SPEN: variants seen among roughly 807,000 people sequenced by gnomAD.
SPEN encodes spen family transcriptional repressor.
In SPEN, 18 loss-of-function variants were observed where a neutral mutation model predicts 269.9. The ratio of observed to expected loss-of-function variants is 0.07; its 90% CI spans 0.05 to 0.10. The LOEUF (loss-of-function observed/expected upper bound fraction) is 0.10, where lower values mean the gene tolerates loss of function less well. SPEN is among the 10% of genes least tolerant of loss of function. The probability of loss-of-function intolerance (pLI) is 1.00; values close to 1 mark genes in which losing one functional copy is unlikely to be tolerated. For synonymous variants in SPEN, 1,726 were observed against 1,765.7 expected (o/e 0.98, Z 0.56); for missense variants, 3,822 against 4,631.2 (o/e 0.83, Z 5.07).
intron 1 of SPEN, among the ~76,000 whole-genome samples, chr1:15,871,371 C>G (rs973872784): frequency 6.6e-6 from 1 of 152,134 alleles, no homozygotes; most frequent in African/African-American, 2.4e-5. Context: ...GACTGAGTCT[C>G]GCTCTGTCAC....
chr1:15,874,229 C>T (rs1026654467), intron 2 of SPEN: 4 of 1,366,494 alleles, frequency 2.9e-6, no homozygotes, highest in Admixed American at 1.9e-5. Context: ...TGTCTGGTCA[C>T]TAAGATTTTT....
intron 2 of SPEN, chr1:15,873,923 C>T (rs2070606457): frequency 1.0e-5 from 12 of 1,142,970 alleles, no homozygotes; most frequent in Non-Finnish European, 1.3e-5. Flanking sequence ...AGTTGCTGTC[C>T]AATCAAAGGT....
chr1:15,866,236 T>G (rs1214128831), intron 1 of SPEN, among the ~76,000 whole-genome samples: 1 of 152,194 alleles, frequency 6.6e-6, no homozygotes, highest in Non-Finnish European at 1.5e-5. Context: ...GTAGTTAACT[T>G]TCTTTTGCTG....
intron 3 of SPEN, among the ~76,000 whole-genome samples, chr1:15,907,073 A>G (rs2070964467): frequency 6.6e-6 from 1 of 152,106 alleles, no homozygotes; most frequent in East Asian, 1.9e-4. Flanking sequence ...CACCCAGTCA[A>G]GTTTTCATCT....
chr1:15,937,533 G>C lies in SPEN; in HGVS notation c.10397G>C (p.Ser3466Thr). 1 of 1,613,994 alleles carries C rather than the reference G, an allele frequency of 6.2e-7. No individual in the cohort carries two copies. The highest frequency in any genetic ancestry group is 8.5e-7 in the Non-Finnish European group (1 of 1,179,990). The change falls in exon 12 of 15, where the codon AGC (serine) becomes ACC (threonine). Residue 3466 changes from serine to threonine, a missense_variant. Ser to Thr is a moderately conservative substitution (Grantham distance 58, BLOSUM62 1). Coordinates refer to ENST00000375759, the MANE Select transcript of SPEN (RefSeq NM_015001.3). This position sits in a 1 kb window ranked among gnomAD's most constrained non-coding sequence, Gnocchi z 5.7. ...PLFVPTTSGP[S>T]TPPGLVLPHT... Reference sequence around the variant, plus strand: ...TTTGTCCCAACAACCTCTGGCCCCAGCACCCCACCAGGACTGGTTCTGCCA... The same window carrying C: ...TTTGTCCCAACAACCTCTGGCCCCACCACCCCACCAGGACTGGTTCTGCCA...
intron 3 of SPEN, among the ~76,000 whole-genome samples, chr1:15,892,657 G>A (rs1284885347): frequency 2.6e-5 from 4 of 152,124 alleles, no homozygotes; most frequent in Non-Finnish European, 5.9e-5. Flanking sequence ...CCTGTTTCCA[G>A]GGTGGCTGAG....
chr1:15,876,077 T>C, intron 2 of SPEN, 125 bp from the exon 3 acceptor site: 1 of 700,494 alleles, frequency 1.4e-6, no homozygotes. Context: ...TTAAGTAGGT[T>C]AATGCTGTTT....
Position 15,873,155 on chromosome 1 carries a change from G to C in SPEN, c.404+19G>C. On this transcript the variant is annotated intron_variant, in intron 2 of 14. Coordinates refer to ENST00000375759, the MANE Select transcript of SPEN (RefSeq NM_015001.3). ...TTGATGGGTAAGTTCCAAGGTTTCTGTAGGCAGGTATTTTGTATTTGATAT... is the reference window on the plus strand; with the variant it reads ...TTGATGGGTAAGTTCCAAGGTTTCTCTAGGCAGGTATTTTGTATTTGATAT... 6.3e-7 allele frequency: 1 copy of C among 1,577,836 alleles called. No individual in the cohort carries two copies. Among genetic ancestry groups the C allele is most frequent in the Non-Finnish European group, 8.6e-7 (1 of 1,157,092 alleles).
At chr1:15,879,771 C>T (rs1385624301) in intron 3 of SPEN, among the ~76,000 whole-genome samples, 1 of 151,796 alleles carries the variant, frequency 6.6e-6, no homozygotes. Context: ...CCCGGGTTCA[C>T]GCCATTCTTC....
chr1:15,931,635 C>T lies in SPEN; in HGVS notation c.5395C>T (p.Pro1799Ser), dbSNP rs1331883564. ...QKAEAAPESQ[P>S]PASEDLEVDP... The stretch of plus-strand genomic sequence containing the variant: ...AGCCGAAGCTGCTCCTGAGTCTCAG[C>T]CCCCAGCTTCTGAAGATTTAGAGGT... Residue 1799 changes from proline (P) to serine (S), a missense_variant, in exon 11 of 15, where the codon CCC becomes TCC. This residue lies in a region of SPEN where 533 missense variants were observed against 618.8 expected (regional missense o/e 0.86). Coordinates refer to ENST00000375759, the MANE Select transcript of SPEN (RefSeq NM_015001.3). The surrounding 1 kb of genome is among the most constrained non-coding windows in gnomAD (Gnocchi z 4.8). The T allele has an allele frequency of 6.2e-7, 1 of 1,614,174 alleles. No individual in the cohort carries two copies.
chr1:15,938,942 C>T, intron 14 of SPEN, 66 bp downstream of exon 14: 1 of 1,554,606 alleles, frequency 6.4e-7, no homozygotes, highest in South Asian at 1.2e-5. Context: ...GGTAGGTGGG[C>T]CTACTCATCT....
chr1:15,939,226 C>G lies in SPEN; in HGVS notation c.10864-70C>G. 1 of 1,488,144 alleles carries G rather than the reference C, an allele frequency of 6.7e-7. No homozygotes were observed. Among genetic ancestry groups the G allele is most frequent in the East Asian group, 2.5e-5 (1 of 40,060 alleles). The allele number at this position is 1,488,144 out of a possible 1,614,324, so 92.2% of individuals were successfully genotyped here. A position where few individuals can be genotyped will look rare whatever the true frequency, so the allele number is the denominator to read the frequency against. On this transcript the variant is annotated intron_variant, in intron 14 of 14. Coordinates refer to ENST00000375759, the MANE Select transcript of SPEN (RefSeq NM_015001.3). The surrounding 1 kb of genome is among the most constrained non-coding windows in gnomAD (Gnocchi z 4.1). ...CTCTTAGCATTGGGCCTCTTCAGGG[C>G]TCCCCAATGGAAGTGGAGTTGTGGG...
intron 3 of SPEN, among the ~76,000 whole-genome samples, chr1:15,899,343 C>T (rs971916812): frequency 3.3e-5 from 5 of 151,600 alleles, no homozygotes; most frequent in African/African-American, 1.2e-4. Flanking sequence ...CCTGGCTAAT[C>T]GTTTTTGGTA....
At position 15,911,299 on chromosome 1, in the gene SPEN, C is replaced by T. The variant is rs2071009290; in HGVS notation, c.1241C>T (p.Pro414Leu). ...ATTGAAGTAACAGCATGGATAGGTC[C>T]AGGTAAGACACAAGCAAGCTGAGTT... ...MQIEVTAWIGPETESENEFRP... is the reference protein window; with the variant it reads ...MQIEVTAWIGLETESENEFRP... Residue 414 changes from proline (P) to leucine (L), a missense_variant and splice_region_variant, in exon 5 of 15, where the codon CCA (proline) becomes CTA (leucine). By Grantham distance (98) the Pro-to-Leu change is moderately conservative (BLOSUM62 -3). Transcript: ENST00000375759. 2 of 1,613,604 alleles carry T rather than the reference C, an allele frequency of 1.2e-6. No homozygotes were observed. The highest frequency in any genetic ancestry group is 1.1e-5 in the South Asian group (1 of 91,046).
At chr1:15,912,472 A>G (rs1408948100) in intron 5 of SPEN, among the ~76,000 whole-genome samples, 2 of 152,216 alleles carry the variant, frequency 1.3e-5, no homozygotes, top group Non-Finnish European at 2.9e-5. Flanking sequence ...TAGGATAAAT[A>G]TGAATATTCT....
Position 15,938,028 on chromosome 1 carries a change from G to C in SPEN, c.10704+22G>C, listed in dbSNP as rs528184935. 3.6e-5 allele frequency: 56 copies of C among 1,577,240 alleles called. No homozygotes were observed. The South Asian group carries it at 6.3e-4, about 18-fold the overall frequency. ...GACGGTAAGACTCTCAGGCCCAGGT[G>C]AGCAACTGCCCCACCTACAGGGAGG... is the stretch of plus-strand genomic sequence containing the variant. On this transcript the variant is annotated intron_variant, in intron 13 of 14. Coordinates refer to ENST00000375759, the MANE Select transcript of SPEN (RefSeq NM_015001.3).
In SPEN at chr1:15,938,483, G is replaced by A. The variant is rs549639352; in HGVS notation, c.10705-235G>A. The A allele has an allele frequency of 6.9e-5, 28 of 403,554 alleles. No homozygotes were observed. The South Asian group carries it at 1.0e-3, about 15-fold the overall frequency. 25.0% of individuals were successfully genotyped at this position (403,554 alleles called of 1,614,324 possible). On this transcript the variant is annotated intron_variant, in intron 13 of 14. Transcript: ENST00000375759. ...CTTCTACTTGGTGGGGGGATGTAAA[G>A]TACCTCTAGACCCAGAAACAAGGCT...
At chr1:15,853,244 C>T (rs1255185438) in intron 1 of SPEN, among the ~76,000 whole-genome samples, 1 of 151,740 alleles carries the variant, frequency 6.6e-6, no homozygotes, top group Non-Finnish European at 1.5e-5. Context: ...GGCTAGAGTG[C>T]AGTGGCAGGA....
At position 15,848,701 on chromosome 1, in the gene SPEN, T is replaced by C. The variant is rs1411072580; in HGVS notation, c.83+551T>C. Among the ~76,000 whole-genome samples the C allele has an allele frequency of 2.0e-5, 3 of 152,190 alleles. No homozygotes were observed. The highest frequency in any genetic ancestry group is 7.2e-5 in the African/African-American group (3 of 41,462). Reference sequence around the variant, plus strand: ...GCGTCGCGGACCCGGAGAGACCATCTAGGACCTCTCCGGAGGATTTGCAGC... The same window carrying C: ...GCGTCGCGGACCCGGAGAGACCATCCAGGACCTCTCCGGAGGATTTGCAGC... On this transcript the variant is annotated intron_variant, in intron 1 of 14. Coordinates refer to ENST00000375759, the MANE Select transcript of SPEN (RefSeq NM_015001.3). This position sits in a 1 kb window ranked among gnomAD's most constrained non-coding sequence, Gnocchi z 5.1.
Sources: allele counts gnomAD v4.1 joint callset (sites outside exome capture counted in the v4.1 genomes callset), GRCh38; gene constraint gnomAD v4.1.1; regional missense constraint gnomAD v4.1.1; non-coding constraint Gnocchi (gnomAD v3.1); transcripts MANE v1.5; gene names NCBI Gene and HGNC (gene_info 2026-07-23, HGNC 2026-07-21).